Variants in RBM20 observed in about 807,000 individuals in gnomAD.
RBM20 encodes the protein RNA-binding protein 20.
RBM20 carries 51 observed loss-of-function variants against 110.1 expected under a neutral mutation model. That is an observed-to-expected ratio of 0.46 (90% CI 0.37 to 0.59). The LOEUF (loss-of-function observed/expected upper bound fraction) is 0.59, where lower values mean the gene tolerates loss of function less well. Among genes scored for constraint, RBM20 ranks in the 20% least tolerant of loss-of-function variants. The pLI is 0.00. For missense variants in RBM20, 1,512 were observed against 1,574.9 expected, an observed-to-expected ratio of 0.96 and a Z score of 0.68; for synonymous variants, 589 against 618.2, an observed-to-expected ratio of 0.95 and a Z score of 0.70.
intron 1 of RBM20, among the ~76,000 whole-genome samples, chr10:110,668,209 C>T (rs925964635): frequency 2.0e-5 from 3 of 151,740 alleles, no homozygotes; most frequent in African/African-American, 4.8e-5. Context: ...CCAAGCATCC[C>T]GCCTGGAATT....
intron 1 of RBM20, among the ~76,000 whole-genome samples, chr10:110,681,573 G>A (rs1171503261): frequency 6.6e-6 from 1 of 152,198 alleles, no homozygotes; most frequent in African/African-American, 2.4e-5. Flanking sequence ...GTTGAGGCTG[G>A]CCTAGAAATG....
intron 1 of RBM20, among the ~76,000 whole-genome samples, chr10:110,716,977 T>C (rs1370991305): frequency 6.6e-6 from 1 of 152,200 alleles, no homozygotes; most frequent in Non-Finnish European, 1.5e-5. Context: ...CTGTGCTTGT[T>C]ATCCTTCCTG....
In RBM20 at chr10:110,810,610, G is replaced by A. The variant is rs1844753334; in HGVS notation, c.1880+148G>A. Reference sequence around the variant, plus strand: ...GCTTTTCTGGGTCCCACTTTTCCATGTTCCCCATGAAAAACACCAGTCCAG... The same window carrying A: ...GCTTTTCTGGGTCCCACTTTTCCATATTCCCCATGAAAAACACCAGTCCAG... On this transcript the variant is annotated intron_variant, in intron 8 of 13. Transcript: ENST00000369519. 1.2e-5 allele frequency: 7 copies of A among 573,162 alleles called. No individual in the cohort carries two copies. In the South Asian group the frequency reaches 1.4e-4, roughly 12 times the overall value. 35.5% of individuals were successfully genotyped at this position (573,162 alleles called of 1,614,324 possible). A position where few individuals can be genotyped will look rare whatever the true frequency, so the allele number is the denominator to read the frequency against.
chr10:110,709,054 G>A (rs971599470), intron 1 of RBM20, among the ~76,000 whole-genome samples: 1 of 149,780 alleles, frequency 6.7e-6, no homozygotes, highest in Non-Finnish European at 1.5e-5. Flanking sequence ...CTTTTTAAAT[G>A]TTCTCCTCAC....
In RBM20 at chr10:110,810,352, G is replaced by C. The variant is rs372683177; in HGVS notation, c.1801-31G>C. 5.3e-5 allele frequency: 81 copies of C among 1,521,974 alleles called. No homozygotes were observed. The African/African-American group carries it at 9.0e-4, about 17-fold the overall frequency. 94.3% of individuals were successfully genotyped at this position (1,521,974 alleles called of 1,614,324 possible). A position where few individuals can be genotyped will look rare whatever the true frequency, so the allele number is the denominator to read the frequency against. On this transcript the variant is annotated intron_variant, in intron 7 of 13. Coordinates refer to ENST00000369519, the MANE Select transcript of RBM20 (RefSeq NM_001134363.3). ...CTCAGGTGTTTGCAAGGCCATCTCT[G>C]ATCTGATGGTGATCTCTCTGACTTT... is the stretch of plus-strand genomic sequence containing the variant.
Position 110,836,188 on chromosome 10 carries a change from G to A in RBM20, c.*210G>A. ...GTCACCCAGGTGTGTCCAGCCCACT[G>A]AGGGTCACCAACTCTCTCCCTGCTG... On this transcript the variant is annotated 3_prime_UTR_variant, in exon 14 of 14. Coordinates refer to ENST00000369519, the MANE Select transcript of RBM20 (RefSeq NM_001134363.3). 2.6e-6 allele frequency: 1 copy of A among 377,992 alleles called. No homozygotes were observed. The highest frequency in any genetic ancestry group is 4.7e-6 in the Non-Finnish European group (1 of 212,734). 23.4% of individuals were successfully genotyped at this position (377,992 alleles called of 1,614,324 possible). A position where few individuals can be genotyped will look rare whatever the true frequency, so the allele number is the denominator to read the frequency against.
At chr10:110,790,717 T>C (rs556785197) in intron 5 of RBM20, among the ~76,000 whole-genome samples, 1 of 152,354 alleles carries the variant, frequency 6.6e-6, no homozygotes, top group Admixed American at 6.5e-5. Context: ...TTTCTAGACA[T>C]CTTTCCACAT....
chr10:110,748,034 A>G (rs1473554357), intron 1 of RBM20, among the ~76,000 whole-genome samples: 1 of 152,234 alleles, frequency 6.6e-6, no homozygotes, highest in East Asian at 1.9e-4. Flanking sequence ...AATGCAACCT[A>G]TAGCACCTTT....
intron 5 of RBM20, among the ~76,000 whole-genome samples, chr10:110,785,806 GA>G (rs538588109): frequency 1.6e-4 from 23 of 147,778 alleles, no homozygotes; most frequent in African/African-American, 4.5e-4. Context: ...CGCTGGCTTA[GA>G]AAAAAAAAAG....
chr10:110,835,340 T>TTTTTTTTTTTTTTTTTTTTTC (rs1564669645), intron 13 of RBM20: 1 of 21,770 alleles, frequency 4.6e-5, no homozygotes, highest in Non-Finnish European at 1.7e-4. Context: ...TTTTTTTTTC[T>TTTTTTTTTTTTTTTTTTTTTC]TTTTTTTTTT....
At chr10:110,810,571 T>C in intron 8 of RBM20, 109 bp downstream of exon 8, 1 of 700,006 alleles carries the variant, frequency 1.4e-6, no homozygotes, top group Non-Finnish European at 2.4e-6. Flanking sequence ...TTCTTGCCCC[T>C]ACCCCATCCA....
intron 1 of RBM20, among the ~76,000 whole-genome samples, chr10:110,654,577 G>A (rs967933406): frequency 6.6e-6 from 1 of 152,210 alleles, no homozygotes; most frequent in Non-Finnish European, 1.5e-5. Context: ...CTTTAAAAAT[G>A]ACTGATGACT....
rs1373721212 is a variant in RBM20, at chr10:110,689,858, A to AG, written c.191+45216dup. On this transcript the variant is annotated intron_variant, in intron 1 of 13. Coordinates refer to ENST00000369519, the MANE Select transcript of RBM20 (RefSeq NM_001134363.3). ...TGACAAAATCAGAGAGGTAGAAGCC[A>AG]GGGAAGATTCTGGATTGCATATATT... 2.0e-5 allele frequency among the ~76,000 whole-genome samples: 3 copies of AG among 152,226 alleles called. No individual in the cohort carries two copies. The East Asian group carries it at 5.8e-4, about 29-fold the overall frequency.
chr10:110,644,778 C>T lies in RBM20; in HGVS notation c.191+133C>T, dbSNP rs371604023. ...TTGGGTTTGAAGTTTTCTCGTACCC[C>T]CTCTGGGCAGAGTCGGTGTCCTTCT... On this transcript the variant is annotated intron_variant, in intron 1 of 13. Coordinates refer to ENST00000369519, the MANE Select transcript of RBM20 (RefSeq NM_001134363.3). This position sits in a 1 kb window ranked among gnomAD's most constrained non-coding sequence, Gnocchi z 4.3. The T allele has an allele frequency of 1.0e-3, 651 of 643,920 alleles. 8 individuals are homozygous for T. The South Asian group carries it at 0.014, about 13-fold the overall frequency. 39.9% of individuals were successfully genotyped at this position (643,920 alleles called of 1,614,324 possible).
At chr10:110,767,827 C>G (rs1590665391) in intron 1 of RBM20, among the ~76,000 whole-genome samples, 1 of 152,044 alleles carries the variant, frequency 6.6e-6, no homozygotes, top group South Asian at 2.1e-4. Flanking sequence ...GGGGCAGAGA[C>G]GCTCCTCACT....
chr10:110,833,390 G>GGAAA, intron 13 of RBM20, among the ~76,000 whole-genome samples: 1 of 62,222 alleles, frequency 1.6e-5, no homozygotes, highest in South Asian at 8.6e-4. Flanking sequence ...CTCTGTCTCA[G>GGAAA]AAAAAAAAAA....
intron 12 of RBM20, among the ~76,000 whole-genome samples, chr10:110,830,724 C>T (rs1016469679): frequency 1.3e-5 from 2 of 152,170 alleles, no homozygotes; most frequent in African/African-American, 4.8e-5. Context: ...AGTGAAATAT[C>T]AGAAATGTCA....
intron 1 of RBM20, among the ~76,000 whole-genome samples, chr10:110,664,069 T>C (rs1298009347): frequency 6.6e-6 from 1 of 152,206 alleles, no homozygotes; most frequent in Non-Finnish European, 1.5e-5. Flanking sequence ...GTATTTTCTT[T>C]TAAACAAATA....
chr10:110,798,122 T>C (rs929058014), intron 6 of RBM20, among the ~76,000 whole-genome samples: 1 of 151,708 alleles, frequency 6.6e-6, no homozygotes, highest in African/African-American at 2.4e-5. Context: ...AGCAGGAGAG[T>C]AGGAGTGTGA....
Sources: gnomAD v4.1 joint callset for allele counts (sites outside exome capture counted in the v4.1 genomes callset) on GRCh38, gnomAD v4.1.1 for gene constraint, Gnocchi (gnomAD v3.1) non-coding constraint, MANE v1.5 for transcripts, NCBI Gene and HGNC (gene_info 2026-07-23, HGNC 2026-07-21) for gene names.